The following ARHGEF26 variants were observed in gnomAD, a reference collection of about 807,000 sequenced individuals.
The protein encoded by ARHGEF26 is Rho guanine nucleotide exchange factor 26.
ARHGEF26 carries 59 observed loss-of-function variants against 89.4 expected under a neutral mutation model. The observed-to-expected ratio is 0.66, with a 90% CI of 0.54 to 0.82. The LOEUF (loss-of-function observed/expected upper bound fraction) is 0.82, where lower values mean the gene tolerates loss of function less well. Ranked by LOEUF, ARHGEF26 falls within the 40% of genes least tolerant of loss-of-function variation. ARHGEF26 has a pLI of 0.00. For synonymous variants in ARHGEF26, 500 were observed against 428.4 expected, an observed-to-expected ratio of 1.17 and a Z score of -2.06; for missense variants, 1,234 against 1,085.6, an observed-to-expected ratio of 1.14 and a Z score of -1.92.
chr3:154,208,978 A>G (rs407060), intron 9 of ARHGEF26, among the ~76,000 whole-genome samples: 138,514 of 151,746 alleles, frequency 0.91, 63,466 homozygotes, highest in East Asian at 1. Flanking sequence ...TGCTGGCCAG[A>G]CTGGTTTCAA....
At chr3:154,246,849 G>C (rs1413216438) in intron 12 of ARHGEF26, among the ~76,000 whole-genome samples, 2 of 152,172 alleles carry the variant, frequency 1.3e-5, no homozygotes, top group Non-Finnish European at 2.9e-5. Context: ...GAGAGGAATC[G>C]ATGATATTTA....
At chr3:154,216,492 A>ATTTTTTTATTTTT (rs1715740411) in intron 9 of ARHGEF26, among the ~76,000 whole-genome samples, 1 of 129,010 alleles carries the variant, frequency 7.8e-6, no homozygotes, top group African/African-American at 2.9e-5. Flanking sequence ...TTTTTTTTTT[A>ATTTTTTTATTTTT]TTTTTTTTTA....
intron 3 of ARHGEF26, among the ~76,000 whole-genome samples, chr3:154,128,910 AT>A (rs1718505160): frequency 1.3e-5 from 2 of 152,088 alleles, no homozygotes; most frequent in Non-Finnish European, 2.9e-5. Context: ...TCAAAATACT[AT>A]CAAAGTTATT....
intron 4 of ARHGEF26, among the ~76,000 whole-genome samples, chr3:154,143,024 G>A (rs1527796): frequency 0.66 from 100,444 of 152,084 alleles, 34,179 homozygotes; most frequent in Non-Finnish European, 0.75. Flanking sequence ...AGAAATAGAG[G>A]TATTATTGGC....
Position 154,194,678 on chromosome 3 carries a change from A to C in ARHGEF26, c.1805A>C (p.Lys602Thr). The change falls in exon 9 of 15, where the codon AAG (lysine) becomes ACG (threonine). Residue 602 changes from lysine (K) to threonine (T), a missense_variant. Coordinates refer to ENST00000465093, the MANE Select transcript of ARHGEF26 (RefSeq NM_015595.4). ...ICQKTPKDSP[K>T]YEVCKRALKE... ...CAAAAAACACCTAAGGACTCTCCGA[A>C]GTATGAAGTCTGCAAAAGAGCCTTG... 3 of 1,613,010 alleles carry C rather than the reference A, an allele frequency of 1.9e-6. No individual in the cohort carries two copies. The highest frequency in any genetic ancestry group is 2.5e-6 in the Non-Finnish European group (3 of 1,179,530).
At chr3:154,192,640 G>C (rs1714020207) in intron 8 of ARHGEF26, among the ~76,000 whole-genome samples, 1 of 152,146 alleles carries the variant, frequency 6.6e-6, no homozygotes, top group East Asian at 1.9e-4. Flanking sequence ...TTTAAAGATA[G>C]AATGTGGCTA....
chr3:154,234,994 C>T (rs1344702637), intron 11 of ARHGEF26, among the ~76,000 whole-genome samples: 2 of 151,940 alleles, frequency 1.3e-5, no homozygotes, highest in Admixed American at 1.3e-4. Flanking sequence ...GATCTCCTGA[C>T]CTTGTGATCC....
intron 12 of ARHGEF26, among the ~76,000 whole-genome samples, chr3:154,252,899 C>T (rs1383853430): frequency 7.4e-6 from 1 of 134,870 alleles, no homozygotes; most frequent in Non-Finnish European, 1.6e-5. Flanking sequence ...AATAATGAGC[C>T]AAGTTCATTC....
chr3:154,129,908 CA>C (rs1718577197), intron 4 of ARHGEF26, among the ~76,000 whole-genome samples, 189 bp downstream of exon 4: 1 of 152,130 alleles, frequency 6.6e-6, no homozygotes, highest in Non-Finnish European at 1.5e-5. Context: ...CACTTCTGAT[CA>C]GGAAAATTAG....
intron 9 of ARHGEF26, 117 bp downstream of exon 9, chr3:154,194,835 C>T (rs573358167): frequency 4.6e-5 from 38 of 831,958 alleles, no homozygotes; most frequent in South Asian, 4.4e-4. Flanking sequence ...ATTTGTACAG[C>T]GTTCTTTAGG....
At chr3:154,191,517 A>G in intron 8 of ARHGEF26, 99 bp downstream of exon 8, 1 of 1,384,208 alleles carries the variant, frequency 7.2e-7, no homozygotes. Flanking sequence ...ATGCATATTT[A>G]AAGGTCTAAA....
intron 9 of ARHGEF26, among the ~76,000 whole-genome samples, chr3:154,197,961 A>T (rs1215590241): frequency 6.6e-6 from 1 of 152,130 alleles, no homozygotes; most frequent in African/African-American, 2.4e-5. Flanking sequence ...TGTCTGCTTT[A>T]ACTCTGACCT....
At chr3:154,199,071 T>G (rs1012120022) in intron 9 of ARHGEF26, among the ~76,000 whole-genome samples, 1 of 152,016 alleles carries the variant, frequency 6.6e-6, no homozygotes, top group African/African-American at 2.4e-5. Context: ...AATAATTCAG[T>G]TAAACTCTTT....
chr3:154,221,833 C>T (rs1162948940), intron 10 of ARHGEF26, among the ~76,000 whole-genome samples: 1 of 152,194 alleles, frequency 6.6e-6, no homozygotes, highest in Non-Finnish European at 1.5e-5. Flanking sequence ...GTCGGGTTGA[C>T]TGGGTGGAGA....
intron 10 of ARHGEF26, among the ~76,000 whole-genome samples, chr3:154,225,283 C>G (rs559379894): frequency 6.6e-6 from 1 of 152,250 alleles, no homozygotes; most frequent in South Asian, 2.1e-4. Flanking sequence ...ATGAAGCAAG[C>G]TACCATGATC....
intron 4 of ARHGEF26, among the ~76,000 whole-genome samples, chr3:154,146,200 C>T (rs1559860232): frequency 6.6e-6 from 1 of 152,198 alleles, no homozygotes; most frequent in Non-Finnish European, 1.5e-5. Context: ...TGCCTTCTTG[C>T]TACATCTTCA....
chr3:154,158,600 T>A (rs935000106), intron 6 of ARHGEF26, among the ~76,000 whole-genome samples: 1 of 152,142 alleles, frequency 6.6e-6, no homozygotes, highest in Non-Finnish European at 1.5e-5. Flanking sequence ...ACTTCTTCCC[T>A]CTGACTCAAA....
intron 12 of ARHGEF26, among the ~76,000 whole-genome samples, chr3:154,250,896 T>G (rs1296088643): frequency 6.6e-6 from 1 of 152,186 alleles, no homozygotes; most frequent in Non-Finnish European, 1.5e-5. Context: ...GCCTGGGAAT[T>G]ATTTTACATG....
rs559993175 is a variant in ARHGEF26 at position 154,216,171 on chromosome 3, A to G, written c.1846-1698A>G. Among the ~76,000 whole-genome samples, 4 of 152,198 alleles carry G rather than the reference A, an allele frequency of 2.6e-5. No homozygotes were observed. The East Asian group carries it at 7.7e-4, about 29-fold the overall frequency. The stretch of plus-strand genomic sequence containing the variant: ...GTTTATATTATTAAAAATAAATCCA[A>G]TTAAAATTTCCAGTCCTTTTAACAA... On this transcript the variant is annotated intron_variant, in intron 9 of 14. Transcript: ENST00000465093.
Sources: allele counts gnomAD v4.1 joint callset (sites outside exome capture counted in the v4.1 genomes callset), GRCh38; gene constraint gnomAD v4.1.1; transcripts MANE v1.5; gene names NCBI Gene and HGNC (gene_info 2026-07-23, HGNC 2026-07-21).